ADARB1: variants seen among roughly 807,000 people sequenced by gnomAD.
ADARB1 encodes the protein double-stranded RNA-specific editase 1.
ADARB1 carries 10 observed loss-of-function variants against 52.4 expected under a neutral mutation model. That is an observed-to-expected ratio of 0.19 (90% CI 0.12 to 0.32). The LOEUF is 0.32. Ranked by LOEUF, ADARB1 falls within the 10% of genes least tolerant of loss-of-function variation. The probability of loss-of-function intolerance (pLI) is 1.00; values close to 1 mark genes in which losing one functional copy is unlikely to be tolerated. For synonymous variants in ADARB1, 349 were observed against 371.1 expected (o/e 0.94, Z 0.68); for missense variants, 643 against 922.3 (o/e 0.70, Z 3.92).
In ADARB1 at chr21:45,223,689, G is replaced by A. The variant is rs2093005101; in HGVS notation, c.*1492G>A. On this transcript the variant is annotated 3_prime_UTR_variant, in exon 11 of 11. Coordinates refer to ENST00000348831, the MANE Select transcript of ADARB1 (RefSeq NM_001112.4). ...ACCTGTGTGTCCGTGATGAGCCTAG[G>A]AAACCAGAGCAGGGGCAGAGGGGCG... 1 of 985,452 alleles carries A rather than the reference G, an allele frequency of 1.0e-6. No individual in the cohort carries two copies. The highest frequency in any genetic ancestry group is 6.1e-5 in the Admixed American group (1 of 16,270). 61.0% of individuals were successfully genotyped at this position (985,452 alleles called of 1,614,324 possible).
At position 45,208,616 on chromosome 21, in the gene ADARB1, G is replaced by GTA. The variant is rs951537475; in HGVS notation, c.1747+3882_1747+3883dup. On this transcript the variant is annotated intron_variant, in intron 9 of 10. Coordinates refer to ENST00000348831, the MANE Select transcript of ADARB1 (RefSeq NM_001112.4). This position sits in a 1 kb window ranked among gnomAD's most constrained non-coding sequence, Gnocchi z 5.6. ...GTGAGAGTGTGGAAAGTGTGTGTGT[G>GTA]TATGTGTGCGTGTGTGTGTGTGTGA... Among the ~76,000 whole-genome samples, 1 of 151,500 alleles carries GTA rather than the reference G, an allele frequency of 6.6e-6. No individual in the cohort carries two copies. The highest frequency in any genetic ancestry group is 2.4e-5 in the African/African-American group (1 of 41,182).
Position 45,182,641 on chromosome 21 carries a change from A to G in ADARB1, c.1135A>G (p.Asn379Asp). ...TGTTTCTACAGGAACAAAATGTATT[A>G]ATGGTGAATACATGAGTGATCGTGG... is the stretch of plus-strand genomic sequence containing the variant. Reference protein sequence around the residue: ...ISVSTGTKCINGEYMSDRGLA... With the variant: ...ISVSTGTKCIDGEYMSDRGLA... Residue 379 changes from asparagine (N) to aspartate (D), a missense_variant, in exon 6 of 11, where the codon AAT (asparagine) becomes GAT (aspartate). Around this residue, in one of 2 missense-constraint regions of ADARB1, gnomAD observed 263 missense variants for 475.8 expected, o/e 0.55. Coordinates refer to ENST00000348831, the MANE Select transcript of ADARB1 (RefSeq NM_001112.4). 1 of 1,610,184 alleles carries G rather than the reference A, an allele frequency of 6.2e-7. No individual in the cohort carries two copies. Among genetic ancestry groups the G allele is most frequent in the South Asian group, 1.1e-5 (1 of 90,056 alleles).
intron 8 of ADARB1, among the ~76,000 whole-genome samples, chr21:45,190,547 G>A (rs1233298215): frequency 6.6e-6 from 1 of 151,886 alleles, no homozygotes; most frequent in Admixed American, 6.6e-5. Context: ...CTAATATTTG[G>A]GCATTTGAAA....
intron 1 of ADARB1, among the ~76,000 whole-genome samples, chr21:45,084,001 A>G (rs934755970): frequency 6.6e-6 from 1 of 152,218 alleles, no homozygotes; most frequent in Admixed American, 6.5e-5. Context: ...CACCTGGCCA[A>G]AAAAGCATCT....
rs2092948494 is a variant in ADARB1, at chr21:45,220,710, G to A, written c.1748-126G>A. ...ACGCTCAAGTCTGCGTATATTCCTCGGCAGGCAGAATTCCCCCACCACGCA... is the reference window on the plus strand; with the variant it reads ...ACGCTCAAGTCTGCGTATATTCCTCAGCAGGCAGAATTCCCCCACCACGCA... On this transcript the variant is annotated intron_variant, in intron 9 of 10. Coordinates refer to ENST00000348831, the MANE Select transcript of ADARB1 (RefSeq NM_001112.4). The surrounding 1 kb of genome is among the most constrained non-coding windows in gnomAD (Gnocchi z 6.3). 8 of 1,006,048 alleles carry A rather than the reference G, an allele frequency of 8.0e-6. No homozygotes were observed. The highest frequency in any genetic ancestry group is 2.5e-5 in the East Asian group (1 of 40,162). 62.3% of individuals were successfully genotyped at this position (1,006,048 alleles called of 1,614,324 possible).
At chr21:45,125,707 T>G (rs1345770708) in intron 1 of ADARB1, among the ~76,000 whole-genome samples, 2 of 152,246 alleles carry the variant, frequency 1.3e-5, no homozygotes, top group African/African-American at 2.4e-5. Context: ...AATTTGGGCT[T>G]TTTCTCTTGT....
At chr21:45,076,755 AT>A (rs892208005) in intron 1 of ADARB1, among the ~76,000 whole-genome samples, 4 of 152,206 alleles carry the variant, frequency 2.6e-5, no homozygotes, top group African/African-American at 7.2e-5. Flanking sequence ...TGGAATAAGA[AT>A]TTTTTTAACT....
intron 1 of ADARB1, among the ~76,000 whole-genome samples, chr21:45,095,019 T>G (rs754836145): frequency 3.3e-5 from 5 of 152,200 alleles, no homozygotes; most frequent in Non-Finnish European, 7.3e-5. Context: ...TCTGTTCAAG[T>G]TTTGGCCTTC....
chr21:45,159,085 C>T (rs1408901167), intron 2 of ADARB1, among the ~76,000 whole-genome samples: 1 of 152,150 alleles, frequency 6.6e-6, no homozygotes, highest in African/African-American at 2.4e-5. Flanking sequence ...CAAAGGTGAT[C>T]ATCTGCATTA....
chr21:45,101,460 GCA>G (rs1438057774), intron 1 of ADARB1, among the ~76,000 whole-genome samples: 1 of 152,260 alleles, frequency 6.6e-6, no homozygotes, highest in Non-Finnish European at 1.5e-5. Flanking sequence ...TGAAGTGCGT[GCA>G]CAGAGTTTTT....
In ADARB1 at chr21:45,222,289, C is replaced by G; in HGVS notation, c.*92C>G. ...ATCTGAACTGGGGGCAGGTGCATAC[C>G]TTGGGGAGGGAGTAGGGGGACACGG... On this transcript the variant is annotated 3_prime_UTR_variant, in exon 11 of 11. Transcript: ENST00000348831. The G allele has an allele frequency of 3.6e-6, 5 of 1,381,256 alleles. No individual in the cohort carries two copies. The highest frequency in any genetic ancestry group is 3.0e-5 in the East Asian group (1 of 33,834). 85.6% of individuals were successfully genotyped at this position (1,381,256 alleles called of 1,614,324 possible). A position where few individuals can be genotyped will look rare whatever the true frequency, so the allele number is the denominator to read the frequency against.
At chr21:45,141,222 G>A (rs1204901479) in intron 2 of ADARB1, among the ~76,000 whole-genome samples, 3 of 152,114 alleles carry the variant, frequency 2.0e-5, no homozygotes, top group Non-Finnish European at 4.4e-5. Context: ...ACTTTGCTGT[G>A]TAGTCTTTGT....
rs570798382 is a variant in ADARB1, at chr21:45,159,498, C to T, written c.-47-12112C>T. 2.0e-4 allele frequency among the ~76,000 whole-genome samples: 30 copies of T among 152,280 alleles called. 1 individual carries two copies. The South Asian group carries it at 5.4e-3, about 27-fold the overall frequency. ...GGAGCAAAACCATAATAATTTTCTT[C>T]CAATTCGTAGTACTAGAATTAGATT... On this transcript the variant is annotated intron_variant, in intron 2 of 10. Transcript: ENST00000348831.
chr21:45,167,059 T>G (rs2146084164), intron 2 of ADARB1, among the ~76,000 whole-genome samples: 1 of 152,332 alleles, frequency 6.6e-6, no homozygotes, highest in African/African-American at 2.4e-5. Context: ...TTTTATAACC[T>G]TTGGTACAAG....
In ADARB1 at chr21:45,074,676, A is replaced by T. The variant is rs924828786; in HGVS notation, c.-337A>T. The stretch of plus-strand genomic sequence containing the variant: ...CCGGGGCTCCGGGCCGCGCGAGGCC[A>T]CGGCCACGCCGCGCCGCTGCGCACA... On this transcript the variant is annotated 5_prime_UTR_variant, in exon 1 of 11. Transcript: ENST00000348831. 1 of 143,264 alleles carries T rather than the reference A, an allele frequency of 7.0e-6. No homozygotes were observed. The highest frequency in any genetic ancestry group is 6.9e-5 in the Admixed American group (1 of 14,484). The allele number at this position is 143,264 out of a possible 1,614,324, so 8.9% of individuals were successfully genotyped here. A position where few individuals can be genotyped will look rare whatever the true frequency, so the allele number is the denominator to read the frequency against.
chr21:45,191,880 A>ATTT (rs777269104), intron 8 of ADARB1, among the ~76,000 whole-genome samples: 19 of 15,652 alleles, frequency 1.2e-3, no homozygotes, highest in Non-Finnish European at 1.3e-3. Context: ...ATATATATAT[A>ATTT]TTTTTTTTTT....
rs112450188 is a variant in ADARB1 at position 45,160,600 on chromosome 21, G to A, written c.-47-11010G>A. Among the ~76,000 whole-genome samples the A allele has an allele frequency of 5.4e-3, 827 of 152,314 alleles. 9 individuals carry two copies. The highest frequency in any genetic ancestry group is 0.019 in the African/African-American group (784 of 41,562). On this transcript the variant is annotated intron_variant, in intron 2 of 10. Transcript: ENST00000348831. Reference sequence around the variant, plus strand: ...AATATTGTTAATTAATTAAATATAAGCAGCATGTTCTAGATTTTATGTGTC... The same window carrying A: ...AATATTGTTAATTAATTAAATATAAACAGCATGTTCTAGATTTTATGTGTC...
intron 1 of ADARB1, among the ~76,000 whole-genome samples, chr21:45,118,920 C>T (rs1466424690): frequency 2.6e-5 from 4 of 152,158 alleles, no homozygotes; most frequent in Non-Finnish European, 5.9e-5. Context: ...CCCTAAAAGC[C>T]CTGGCAGGCT....
chr21:45,159,894 T>G (rs2090874311), intron 2 of ADARB1, among the ~76,000 whole-genome samples: 1 of 152,254 alleles, frequency 6.6e-6, no homozygotes, highest in Non-Finnish European at 1.5e-5. Context: ...AACCTGTCAC[T>G]TCCATGCGCT....
Sources: allele counts gnomAD v4.1 joint callset (sites outside exome capture counted in the v4.1 genomes callset), GRCh38; gene constraint gnomAD v4.1.1; regional missense constraint gnomAD v4.1.1; non-coding constraint Gnocchi (gnomAD v3.1); transcripts MANE v1.5; gene names NCBI Gene and HGNC (gene_info 2026-07-23, HGNC 2026-07-21).